TMEM184C: variants seen among roughly 807,000 people sequenced by gnomAD.
TMEM184C encodes the protein transmembrane protein 184C, also known as transmembrane protein 34.
TMEM184C carries 25 observed loss-of-function variants against 54.5 expected under a neutral mutation model. That is an observed-to-expected ratio of 0.46 (90% CI 0.33 to 0.64). The LOEUF is 0.64. Among genes scored for constraint, TMEM184C ranks in the 30% least tolerant of loss-of-function variants. The pLI is 0.02. For missense variants in TMEM184C, 335 were observed against 520.3 expected (o/e 0.64, Z 3.46); for synonymous variants, 148 against 181.5 (o/e 0.82, Z 1.49).
At position 147,629,627 on chromosome 4, in the gene TMEM184C, G is replaced by A. The variant is rs753123737; in HGVS notation, c.601G>A (p.Glu201Lys). The change falls in exon 6 of 10, where the codon GAA (glutamate) becomes AAA (lysine). Residue 201 changes from glutamate (E) to lysine (K), a missense_variant. Glu to Lys is a moderately conservative substitution (Grantham distance 56). Transcript: ENST00000296582. The part of the protein sequence containing the change: ...LICELLGIYD[E>K]GNFSFSNAWT... ...CTGTGAGCTGCTTGGTATATATGACGAAGGGAACTTTAGCTTTTCAAATGC... is the reference window on the plus strand; with the variant it reads ...CTGTGAGCTGCTTGGTATATATGACAAAGGGAACTTTAGCTTTTCAAATGC... 7 of 1,593,160 alleles carry A rather than the reference G, an allele frequency of 4.4e-6. No homozygotes were observed. The highest frequency in any genetic ancestry group is 1.2e-5 in the South Asian group (1 of 86,288).
chr4:147,627,549 C>A (rs942679112), intron 4 of TMEM184C, among the ~76,000 whole-genome samples: 4 of 152,196 alleles, frequency 2.6e-5, no homozygotes, highest in African/African-American at 9.6e-5. Flanking sequence ...GGATTACAGG[C>A]GTGAGGATGG....
rs1200532362 is a variant in TMEM184C at position 147,617,945 on chromosome 4, T to C, written c.-12T>C. ...TTTTCCCTTGCTAACCGGATCTGAT[T>C]TGTGCGAAAACATGCCTTGCACTTG... On this transcript the variant is annotated 5_prime_UTR_variant, in exon 1 of 10. Coordinates refer to ENST00000296582, the MANE Select transcript of TMEM184C (RefSeq NM_018241.3). The C allele has an allele frequency of 1.2e-6, 2 of 1,614,034 alleles. No homozygotes were observed. Among genetic ancestry groups the C allele is most frequent in the Non-Finnish European group, 8.5e-7 (1 of 1,179,928 alleles).
At chr4:147,633,682 GA>G (rs1376065761) in intron 8 of TMEM184C, 82 bp from the exon 9 acceptor site, 2 of 1,201,896 alleles carry the variant, frequency 1.7e-6, no homozygotes, top group Non-Finnish European at 2.2e-6. Context: ...TAGCACTTTT[GA>G]AAAGCAAGTA....
At chr4:147,623,386 G>C (rs112524126) in intron 1 of TMEM184C, among the ~76,000 whole-genome samples, 2 of 151,140 alleles carry the variant, frequency 1.3e-5, no homozygotes, top group African/African-American at 4.9e-5. Flanking sequence ...AGTGAGCCAA[G>C]ATCGCGCCGC....
intron 4 of TMEM184C, among the ~76,000 whole-genome samples, chr4:147,626,485 G>A (rs1229603981): frequency 6.6e-6 from 1 of 152,198 alleles, no homozygotes; most frequent in Admixed American, 6.5e-5. Context: ...GGTAAATGGA[G>A]GTAGAGTGAT....
chr4:147,632,757 T>C (rs748116182), intron 7 of TMEM184C, 146 bp from the exon 8 acceptor site: 7 of 555,378 alleles, frequency 1.3e-5, no homozygotes, highest in Non-Finnish European at 2.2e-5. Context: ...ATATTTAACA[T>C]AGAGTTTCTT....
At chr4:147,618,787 G>A (rs1732648855) in intron 1 of TMEM184C, among the ~76,000 whole-genome samples, 1 of 152,146 alleles carries the variant, frequency 6.6e-6, no homozygotes, top group South Asian at 2.1e-4. Flanking sequence ...TACATAAACT[G>A]TATTTAATAT....
At chr4:147,627,001 A>G (rs1450762466) in intron 4 of TMEM184C, among the ~76,000 whole-genome samples, 1 of 152,366 alleles carries the variant, frequency 6.6e-6, no homozygotes, top group East Asian at 1.9e-4. Flanking sequence ...CACTAAACTG[A>G]ACAGAATTCT....
At chr4:147,621,719 C>A (rs2126547423) in intron 1 of TMEM184C, among the ~76,000 whole-genome samples, 1 of 152,160 alleles carries the variant, frequency 6.6e-6, no homozygotes, top group South Asian at 2.1e-4. Flanking sequence ...TTTTCTGAAA[C>A]TAAATTACCA....
chr4:147,628,991 T>G (rs748877504), intron 5 of TMEM184C, among the ~76,000 whole-genome samples: 1 of 152,210 alleles, frequency 6.6e-6, no homozygotes, highest in Non-Finnish European at 1.5e-5. Context: ...ACATTTTGCA[T>G]GCTCACAGAG....
At chr4:147,625,181 T>G (rs961514118) in intron 4 of TMEM184C, among the ~76,000 whole-genome samples, 172 bp downstream of exon 4, 2 of 152,246 alleles carry the variant, frequency 1.3e-5, no homozygotes, top group African/African-American at 2.4e-5. Flanking sequence ...AAAACAGTTT[T>G]GTAATCCCAC....
At chr4:147,631,306 T>G in intron 6 of TMEM184C, 87 bp from the exon 7 acceptor site, 1 of 985,486 alleles carries the variant, frequency 1.0e-6, no homozygotes, top group East Asian at 2.6e-5. Flanking sequence ...GAAACATTAC[T>G]CTGTACCAGG....
At position 147,636,016 on chromosome 4, in the gene TMEM184C, G is replaced by A. The variant is rs915489592; in HGVS notation, c.*1582G>A. On this transcript the variant is annotated 3_prime_UTR_variant, in exon 10 of 10. Transcript: ENST00000296582. The stretch of plus-strand genomic sequence containing the variant: ...ACAAATAAATGGAAAGGTATCCCGT[G>A]CTCATGGATCAGAATAATACTGTTA... 1 of 152,076 alleles carries A rather than the reference G, an allele frequency of 6.6e-6. No individual in the cohort carries two copies. The highest frequency in any genetic ancestry group is 2.4e-5 in the African/African-American group (1 of 41,416). The allele number at this position is 152,076 out of a possible 1,614,324, so 9.4% of individuals were successfully genotyped here. A position where few individuals can be genotyped will look rare whatever the true frequency, so the allele number is the denominator to read the frequency against.
At chr4:147,634,114 G>C in intron 9 of TMEM184C, 55 bp from the exon 10 acceptor site, 1 of 1,561,272 alleles carries the variant, frequency 6.4e-7, no homozygotes, top group Non-Finnish European at 8.7e-7. Flanking sequence ...TTTTAGAATG[G>C]TAAGTTTATA....
Position 147,624,986 on chromosome 4 carries a change from C to G in TMEM184C, c.474C>G (p.Cys158Trp). The change falls in exon 4 of 10, where the codon TGC (cysteine) becomes TGG (tryptophan). Residue 158 changes from cysteine to tryptophan, a missense_variant. Cys to Trp is a radical substitution (Grantham distance 215, BLOSUM62 -2). Transcript: ENST00000296582. ...AGAAACATTTCCCTCCTTTATGTTGCTGTCCACCATGGGCTATGGGAGAGT... is the reference window on the plus strand; with the variant it reads ...AGAAACATTTCCCTCCTTTATGTTGGTGTCCACCATGGGCTATGGGAGAGT... ...DQQKHFPPLC[C>W]CPPWAMGEVL... The G allele has an allele frequency of 6.2e-7, 1 of 1,613,880 alleles. No individual in the cohort carries two copies. The highest frequency in any genetic ancestry group is 8.5e-7 in the Non-Finnish European group (1 of 1,179,860).
At position 147,632,113 on chromosome 4, in the gene TMEM184C, C is replaced by T. The variant is rs1032474817; in HGVS notation, c.779+608C>T. Among the ~76,000 whole-genome samples the T allele has an allele frequency of 4.2e-5, 6 of 143,142 alleles. No homozygotes were observed. The East Asian group carries it at 6.2e-4, about 15-fold the overall frequency. 93.9% of individuals were successfully genotyped at this position (143,142 alleles called of 152,430 possible). A position where few individuals can be genotyped will look rare whatever the true frequency, so the allele number is the denominator to read the frequency against. On this transcript the variant is annotated intron_variant, in intron 7 of 9. Coordinates refer to ENST00000296582, the MANE Select transcript of TMEM184C (RefSeq NM_018241.3). ...ACCTGAACCCAGAAGGCAGAGGTTG[C>T]GGTGAGCCAAAATCATGCCACTGCA...
chr4:147,620,361 T>C (rs563364760), intron 1 of TMEM184C, among the ~76,000 whole-genome samples: 1 of 152,302 alleles, frequency 6.6e-6, no homozygotes, highest in South Asian at 2.1e-4. Context: ...CCATAGAACT[T>C]GGTGGAGACA....
At chr4:147,621,870 C>T (rs758940049) in intron 1 of TMEM184C, among the ~76,000 whole-genome samples, 3 of 152,148 alleles carry the variant, frequency 2.0e-5, no homozygotes, top group Non-Finnish European at 4.4e-5. Context: ...GACACTTGAC[C>T]TTCATTAGTC....
At chr4:147,625,042 T>C in intron 4 of TMEM184C, 33 bp downstream of exon 4, 2 of 1,609,190 alleles carry the variant, frequency 1.2e-6, no homozygotes, top group East Asian at 4.5e-5. Flanking sequence ...TTTTATGTTT[T>C]GGTTTTTCAT....
Sources: allele counts gnomAD v4.1 joint callset (sites outside exome capture counted in the v4.1 genomes callset), GRCh38; gene constraint gnomAD v4.1.1; transcripts MANE v1.5; gene names NCBI Gene and HGNC (gene_info 2026-07-23, HGNC 2026-07-21).